The following CCDC12 variants were observed in gnomAD, a reference collection of about 807,000 sequenced individuals.
The protein encoded by CCDC12 is coiled-coil domain containing 12, also known as coiled-coil domain-containing protein 12.
Under a neutral mutation model 25.7 loss-of-function variants are expected in CCDC12, and 28 were observed. That is an observed-to-expected ratio of 1.09 (90% CI 0.81 to 1.50). The LOEUF (loss-of-function observed/expected upper bound fraction) is 1.50. Among genes scored for constraint, CCDC12 ranks in the 40% most tolerant of loss-of-function variants. CCDC12 has a pLI of 0.00. For missense variants in CCDC12, 198 were observed against 210.0 expected (o/e 0.94, Z 0.35); for synonymous variants, 75 against 87.7 (o/e 0.86, Z 0.81).
chr3:46,922,588 C>T (rs1422687959), intron 5 of CCDC12: 1 of 521,142 alleles, frequency 1.9e-6, no homozygotes, highest in Non-Finnish European at 3.5e-6. Context: ...TCTCAGAGAC[C>T]CTCTCTTGCT....
chr3:46,930,301 T>A (rs1333262686), intron 2 of CCDC12, among the ~76,000 whole-genome samples: 1 of 152,080 alleles, frequency 6.6e-6, no homozygotes, highest in African/African-American at 2.4e-5. Context: ...AGAGGGGCCA[T>A]AAGGCAGCAG....
At chr3:46,934,208 T>C (rs745522295) in intron 2 of CCDC12, among the ~76,000 whole-genome samples, 16 of 152,224 alleles carry the variant, frequency 1.1e-4, no homozygotes, top group Admixed American at 2.6e-4. Flanking sequence ...GACCCAGATG[T>C]TGGGGGACAG....
At chr3:46,976,454 A>T in intron 1 of CCDC12, 183 bp downstream of exon 1, 1 of 1,422,210 alleles carries the variant, frequency 7.0e-7, no homozygotes, top group Non-Finnish European at 9.2e-7. Flanking sequence ...GCGCCAGAGG[A>T]GTCCCACGCC....
chr3:46,943,039 T>C (rs1271596034), intron 1 of CCDC12, among the ~76,000 whole-genome samples: 1 of 151,964 alleles, frequency 6.6e-6, no homozygotes, highest in Non-Finnish European at 1.5e-5. Flanking sequence ...CTCTGGCCGG[T>C]GTTCTTAAGC....
At chr3:46,973,418 C>T (rs2034866038) in intron 1 of CCDC12, among the ~76,000 whole-genome samples, 1 of 149,216 alleles carries the variant, frequency 6.7e-6, no homozygotes, top group Admixed American at 6.6e-5. Flanking sequence ...TTGCTTGAAC[C>T]CAGGAGGCGG....
At chr3:46,961,549 T>C (rs1010673640) in intron 1 of CCDC12, among the ~76,000 whole-genome samples, 1 of 152,204 alleles carries the variant, frequency 6.6e-6, no homozygotes, top group African/African-American at 2.4e-5. Flanking sequence ...TTGTCTTTTC[T>C]CTAGTGCACA....
At chr3:46,951,589 G>A (rs2034115285) in intron 1 of CCDC12, among the ~76,000 whole-genome samples, 1 of 149,818 alleles carries the variant, frequency 6.7e-6, no homozygotes, top group Non-Finnish European at 1.5e-5. Flanking sequence ...GACCATCCTG[G>A]CTAACACAGT....
intron 1 of CCDC12, among the ~76,000 whole-genome samples, chr3:46,959,748 C>T (rs1245899216): frequency 6.6e-6 from 1 of 152,146 alleles, no homozygotes; most frequent in Non-Finnish European, 1.5e-5. Context: ...AGATCATCTT[C>T]CCAAATTCAG....
At chr3:46,948,493 T>A (rs1390830686) in intron 1 of CCDC12, among the ~76,000 whole-genome samples, 1 of 152,130 alleles carries the variant, frequency 6.6e-6, no homozygotes, top group Non-Finnish European at 1.5e-5. Context: ...TGCTGGTGAC[T>A]CACTGGGGGA....
chr3:46,953,782 C>G (rs577372467), intron 1 of CCDC12, among the ~76,000 whole-genome samples: 9 of 152,312 alleles, frequency 5.9e-5, no homozygotes, highest in African/African-American at 2.2e-4. Flanking sequence ...AGACTAAGCC[C>G]TCTTAAATCA....
chr3:46,937,675 C>T (rs2033506721), intron 2 of CCDC12, among the ~76,000 whole-genome samples: 1 of 152,190 alleles, frequency 6.6e-6, no homozygotes, highest in Non-Finnish European at 1.5e-5. Flanking sequence ...CCTTTCCAGA[C>T]TTGGGGTACA....
intron 1 of CCDC12, among the ~76,000 whole-genome samples, chr3:46,954,021 T>A (rs929852455): frequency 1.3e-5 from 2 of 152,082 alleles, no homozygotes; most frequent in African/African-American, 4.8e-5. Context: ...AAGCAAATGA[T>A]AAGGTCCATG....
chr3:46,940,756 G>A (rs2033668013), intron 2 of CCDC12: 2 of 557,380 alleles, frequency 3.6e-6, no homozygotes, highest in African/African-American at 3.8e-5. Context: ...GTAAGGGCTA[G>A]AAAGAAAATG....
intron 1 of CCDC12, among the ~76,000 whole-genome samples, chr3:46,957,360 T>C (rs1441565048): frequency 6.6e-6 from 1 of 152,200 alleles, no homozygotes; most frequent in Non-Finnish European, 1.5e-5. Flanking sequence ...TTATGAAATG[T>C]TGGGCTTCTT....
intron 2 of CCDC12, among the ~76,000 whole-genome samples, chr3:46,928,811 G>A (rs1198312667): frequency 1.3e-5 from 2 of 152,168 alleles, no homozygotes; most frequent in Non-Finnish European, 2.9e-5. Flanking sequence ...ACGGAAACAT[G>A]GAATTGCAGG....
At chr3:46,964,853 C>A (rs1312542015) in intron 1 of CCDC12, among the ~76,000 whole-genome samples, 8 of 152,192 alleles carry the variant, frequency 5.3e-5, no homozygotes, top group East Asian at 1.9e-4. Flanking sequence ...AAACCAGAGA[C>A]CTTTGTTCAC....
chr3:46,950,579 A>G (rs2034079867), intron 1 of CCDC12, among the ~76,000 whole-genome samples: 1 of 151,774 alleles, frequency 6.6e-6, no homozygotes. Flanking sequence ...TTGGCCTCCC[A>G]AAGTGCTGGA....
chr3:46,969,436 T>C (rs2034735045), intron 1 of CCDC12, among the ~76,000 whole-genome samples: 1 of 152,232 alleles, frequency 6.6e-6, no homozygotes, highest in Admixed American at 6.5e-5. Context: ...TCTTGTTATG[T>C]TGCCCATGCT....
intron 1 of CCDC12, among the ~76,000 whole-genome samples, chr3:46,973,863 C>T (rs1285008585): frequency 2.6e-5 from 4 of 152,108 alleles, no homozygotes; most frequent in African/African-American, 9.7e-5. Context: ...CTGCCCACCT[C>T]GGCTTCCCAA....
Sources: gnomAD v4.1 joint callset for allele counts (sites outside exome capture counted in the v4.1 genomes callset) on GRCh38, gnomAD v4.1.1 for gene constraint, MANE v1.5 for transcripts, NCBI Gene and HGNC (gene_info 2026-07-23, HGNC 2026-07-21) for gene names.